Variants in DMRT1 observed in about 807,000 individuals in gnomAD.
DMRT1 encodes doublesex- and mab-3-related transcription factor 1.
A neutral mutation model predicts 32.3 loss-of-function variants in DMRT1; 7 were observed. The ratio of observed to expected loss-of-function variants is 0.22; its 90% confidence interval spans 0.12 to 0.41. The LOEUF (loss-of-function observed/expected upper bound fraction) is 0.41. DMRT1 is among the 10% of genes least tolerant of loss of function. The pLI is 1.00. For missense variants in DMRT1, 625 were observed against 500.5 expected (o/e 1.25, Z -2.37); for synonymous variants, 278 against 206.1 (o/e 1.35, Z -2.99).
intron 2 of DMRT1, among the ~76,000 whole-genome samples, chr9:862,765 TG>T (rs572693109): frequency 2.1e-3 from 319 of 152,184 alleles, no homozygotes; most frequent in African/African-American, 7.1e-3. Flanking sequence ...TATTCCCTTC[TG>T]AGAGTGGCTG....
intron 4 of DMRT1, among the ~76,000 whole-genome samples, chr9:930,161 C>T (rs1379284384): frequency 6.6e-6 from 1 of 152,174 alleles, no homozygotes; most frequent in Non-Finnish European, 1.5e-5. Flanking sequence ...TCCAGGCACA[C>T]TTCACCTTTG....
chr9:855,811 A>T (rs1039131389), intron 2 of DMRT1, among the ~76,000 whole-genome samples: 1 of 152,042 alleles, frequency 6.6e-6, no homozygotes, highest in Non-Finnish European at 1.5e-5. Flanking sequence ...AGAGATGGGG[A>T]TCTCGCTGTG....
chr9:906,770 A>C (rs1386389530), intron 3 of DMRT1, among the ~76,000 whole-genome samples: 1 of 152,224 alleles, frequency 6.6e-6, no homozygotes, highest in Non-Finnish European at 1.5e-5. Context: ...AAGGCAGCAA[A>C]GTAGGTCTTT....
intron 4 of DMRT1, among the ~76,000 whole-genome samples, chr9:934,552 T>A (rs1818825175): frequency 6.6e-6 from 1 of 152,194 alleles, no homozygotes; most frequent in Non-Finnish European, 1.5e-5. Context: ...AATTTAAAAA[T>A]TTTAAAAAGA....
At chr9:859,763 T>C (rs1815571897) in intron 2 of DMRT1, among the ~76,000 whole-genome samples, 1 of 152,176 alleles carries the variant, frequency 6.6e-6, no homozygotes, top group Admixed American at 6.5e-5. Flanking sequence ...AAAAAATGTG[T>C]AAGAAACTCT....
intron 3 of DMRT1, among the ~76,000 whole-genome samples, chr9:899,368 A>G (rs903441347): frequency 6.6e-6 from 1 of 152,180 alleles, no homozygotes; most frequent in African/African-American, 2.4e-5. Flanking sequence ...AAGCCTCCCT[A>G]TAAAAACAAG....
chr9:916,862 T>G lies in DMRT1; in HGVS notation c.922T>G (p.Phe308Val). Reference sequence around the variant, plus strand: ...CCTGGGCCAGAGCGTGCCCCAGTTCTTCACTTTTGAGGATGCTCCCTCTTA... The same window carrying G: ...CCTGGGCCAGAGCGTGCCCCAGTTCGTCACTTTTGAGGATGCTCCCTCTTA... Reference protein sequence around the residue: ...SYLGQSVPQFFTFEDAPSYPE... With the variant: ...SYLGQSVPQFVTFEDAPSYPE... Residue 308 changes from phenylalanine (F) to valine (V), a missense_variant, in exon 4 of 5, where the codon TTC becomes GTC. By Grantham distance (50) the Phe-to-Val change is conservative. Around this residue, in one of 3 missense-constraint regions of DMRT1, gnomAD observed 416 missense variants for 321.6 expected, o/e 1.29. Transcript: ENST00000382276. 1 of 1,614,230 alleles carries G rather than the reference T, an allele frequency of 6.2e-7. No individual in the cohort carries two copies. The highest frequency in any genetic ancestry group is 1.7e-5 in the Admixed American group (1 of 60,022).
intron 3 of DMRT1, among the ~76,000 whole-genome samples, chr9:898,813 C>G (rs2129654844): frequency 6.6e-6 from 1 of 152,302 alleles, no homozygotes. Flanking sequence ...GCTATCCTGC[C>G]TAGTAGGATG....
chr9:963,317 T>A (rs891583675), intron 4 of DMRT1, among the ~76,000 whole-genome samples: 2 of 152,186 alleles, frequency 1.3e-5, no homozygotes, highest in Non-Finnish European at 2.9e-5. Context: ...ATAACTAAGA[T>A]ATGGTGTTAC....
intron 2 of DMRT1, among the ~76,000 whole-genome samples, chr9:857,050 C>G (rs1010100612): frequency 2.0e-5 from 3 of 152,140 alleles, no homozygotes; most frequent in South Asian, 2.1e-4. Context: ...TGTGGTGGCT[C>G]ACACCTGTAA....
At chr9:960,530 A>G (rs575072741) in intron 4 of DMRT1, among the ~76,000 whole-genome samples, 8 of 152,362 alleles carry the variant, frequency 5.3e-5, no homozygotes, top group South Asian at 2.1e-4. Context: ...TTGATCCTCA[A>G]TGCAACTTTG....
intron 2 of DMRT1, among the ~76,000 whole-genome samples, chr9:855,380 C>T (rs1321429772): frequency 6.6e-6 from 1 of 152,132 alleles, no homozygotes; most frequent in East Asian, 1.9e-4. Context: ...TCTGTGTCTC[C>T]CTTGTGAAAA....
intron 3 of DMRT1, 124 bp from the exon 4 acceptor site, chr9:916,639 C>A: frequency 8.2e-7 from 1 of 1,214,076 alleles, no homozygotes; most frequent in South Asian, 1.3e-5. Context: ...CCCAAGGTGT[C>A]GGGAACATAG....
intron 2 of DMRT1, among the ~76,000 whole-genome samples, chr9:864,701 C>G (rs565247186): frequency 6.6e-6 from 1 of 150,948 alleles, no homozygotes; most frequent in Non-Finnish European, 1.5e-5. Flanking sequence ...AGGGTTTCAC[C>G]ATGTTAGCCA....
chr9:926,815 G>C (rs1818541362), intron 4 of DMRT1, among the ~76,000 whole-genome samples: 1 of 152,170 alleles, frequency 6.6e-6, no homozygotes, highest in African/African-American at 2.4e-5. Flanking sequence ...TTTCAATGCT[G>C]ATGTTATCTT....
At chr9:894,338 A>G (rs1033834) in intron 3 of DMRT1, 143 bp downstream of exon 3, 5 of 838,698 alleles carry the variant, frequency 6.0e-6, no homozygotes, top group African/African-American at 5.8e-5. Context: ...ACACACACAT[A>G]TGTGTGTGTG....
At chr9:851,446 T>A (rs1245005103) in intron 2 of DMRT1, among the ~76,000 whole-genome samples, 1 of 151,914 alleles carries the variant, frequency 6.6e-6, no homozygotes, top group Non-Finnish European at 1.5e-5. Flanking sequence ...ACCATGTTGG[T>A]CAGGCTGGTC....
chr9:879,897 T>C (rs1193404417), intron 2 of DMRT1, among the ~76,000 whole-genome samples: 1 of 152,238 alleles, frequency 6.6e-6, no homozygotes, highest in African/African-American at 2.4e-5. Flanking sequence ...ACACATTTTA[T>C]TACAAAATAC....
At chr9:875,384 T>C (rs988186243) in intron 2 of DMRT1, among the ~76,000 whole-genome samples, 3 of 152,150 alleles carry the variant, frequency 2.0e-5, no homozygotes, top group African/African-American at 7.2e-5. Flanking sequence ...AGAGTCTTTG[T>C]CCTTCCCTGA....
Sources: gnomAD v4.1 joint callset for allele counts (sites outside exome capture counted in the v4.1 genomes callset) on GRCh38, gnomAD v4.1.1 for gene constraint, gnomAD v4.1.1 regional missense constraint, MANE v1.5 for transcripts, NCBI Gene and HGNC (gene_info 2026-07-23, HGNC 2026-07-21) for gene names.